WNT5B: variants seen among roughly 807,000 people sequenced by gnomAD.
WNT5B encodes protein Wnt-5b.
WNT5B carries 18 observed loss-of-function variants against 36.5 expected under a neutral mutation model. The ratio of observed to expected loss-of-function variants is 0.49; its 90% CI spans 0.34 to 0.73. The LOEUF is 0.73. WNT5B is among the 30% of genes least tolerant of loss of function. The probability of loss-of-function intolerance (pLI) is 0.01; values close to 1 mark genes in which losing one functional copy is unlikely to be tolerated. For missense variants in WNT5B, 424 were observed against 508.4 expected, an observed-to-expected ratio of 0.83 and a Z score of 1.60; for synonymous variants, 213 against 212.3, an observed-to-expected ratio of 1.00 and a Z score of -0.03.
Position 1,630,260 on chromosome 12 carries a change from G to C in WNT5B, c.-58+889G>C. The C allele has an allele frequency of 1.0e-6, 1 of 983,962 alleles. No individual in the cohort carries two copies. 61.0% of individuals were successfully genotyped at this position (983,962 alleles called of 1,614,324 possible). ...CCCCGGGGAGGCCGCTGGGGGCGCG[G>C]GTCACGCCCAGACGGGGGCCCCGGA... On this transcript the variant is annotated intron_variant, in intron 1 of 4. Transcript: ENST00000397196. This position sits in a 1 kb window ranked among gnomAD's most constrained non-coding sequence, Gnocchi z 5.3.
intron 1 of WNT5B, among the ~76,000 whole-genome samples, chr12:1,622,537 T>C (rs1280673049): frequency 6.6e-6 from 1 of 151,940 alleles, no homozygotes; most frequent in Non-Finnish European, 1.5e-5. Flanking sequence ...TAAGGGGAGG[T>C]ACAGTCAAGC....
upstream of WNT5B, among the ~76,000 whole-genome samples, chr12:1,626,709 C>T (rs534279078): frequency 5.9e-4 from 89 of 152,092 alleles, no homozygotes; most frequent in Non-Finnish European, 7.8e-4. Context: ...GGACTACAGG[C>T]GCCCGCCACC....
chr12:1,631,709 G>A (rs1346599709), intron 2 of WNT5B, among the ~76,000 whole-genome samples: 1 of 152,058 alleles, frequency 6.6e-6, no homozygotes, highest in African/African-American at 2.4e-5. Context: ...CCCATGAATT[G>A]TTAGAAATTG....
intron 1 of WNT5B, among the ~76,000 whole-genome samples, chr12:1,624,223 T>C (rs2094538045): frequency 6.6e-6 from 1 of 151,824 alleles, no homozygotes; most frequent in Non-Finnish European, 1.5e-5. Context: ...CCATCTCTAC[T>C]AAAAATGCAA....
upstream of WNT5B, among the ~76,000 whole-genome samples, chr12:1,627,252 C>T (rs199952743): frequency 9.2e-5 from 14 of 152,280 alleles, 1 homozygote; most frequent in East Asian, 1.7e-3. The surrounding 1 kb of genome is among the most constrained non-coding windows in gnomAD (Gnocchi z 5.0). Context: ...CACCTAGGCT[C>T]GTGGCTATTT....
At chr12:1,640,423 G>T (rs374032066) in intron 4 of WNT5B, among the ~76,000 whole-genome samples, 37 of 152,282 alleles carry the variant, frequency 2.4e-4, no homozygotes, top group African/African-American at 8.7e-4. Flanking sequence ...AAGAACTGCT[G>T]TCATACGTAT....
At chr12:1,635,864 C>T (rs924240473) in intron 3 of WNT5B, among the ~76,000 whole-genome samples, 1 of 152,212 alleles carries the variant, frequency 6.6e-6, no homozygotes, top group African/African-American at 2.4e-5. Context: ...TGGGCTATTC[C>T]TATTTCACAA....
intron 4 of WNT5B, among the ~76,000 whole-genome samples, chr12:1,645,227 GTTATT>G (rs2094583188): frequency 6.6e-6 from 1 of 152,166 alleles, no homozygotes; most frequent in African/African-American, 2.4e-5. Context: ...GACACATTTT[GTTATT>G]TTGTTTTGTT....
chr12:1,624,990 G>C (rs1203215691), upstream of WNT5B, among the ~76,000 whole-genome samples: 2 of 152,070 alleles, frequency 1.3e-5, no homozygotes. Flanking sequence ...GAGCCTGGAT[G>C]TGAAAGTAGT....
chr12:1,638,144 G>A (rs2154439709), intron 3 of WNT5B, among the ~76,000 whole-genome samples: 1 of 152,262 alleles, frequency 6.6e-6, no homozygotes, highest in Middle Eastern at 3.4e-3. Flanking sequence ...TATACCGGAG[G>A]CTGAGACAGG....
rs114475362 is a variant in WNT5B, at chr12:1,645,393, A to G, written c.622-401A>G. ...AGCTGGGACTACAGGCACCAGCCACAGTGCCTGGCTGTATTTTGTTGGTTA... is the reference window on the plus strand; with the variant it reads ...AGCTGGGACTACAGGCACCAGCCACGGTGCCTGGCTGTATTTTGTTGGTTA... On this transcript the variant is annotated intron_variant, in intron 4 of 4. Transcript: ENST00000397196. Among the ~76,000 whole-genome samples the G allele has an allele frequency of 8.8e-3, 1,338 of 152,284 alleles. 19 individuals are homozygous for G. The highest frequency in any genetic ancestry group is 0.029 in the African/African-American group (1,215 of 41,552).
rs1355654603 is a variant in WNT5B, at chr12:1,644,309, C to A, written c.622-1485C>A. ...CTGGTGCCTTTAACCTTGGGGAGAG[C>A]CTTCCTTCCTCCTCTGCTCTAAGCC... On this transcript the variant is annotated intron_variant, in intron 4 of 4. Coordinates refer to ENST00000397196, the MANE Select transcript of WNT5B (RefSeq NM_032642.3). The surrounding 1 kb of genome is among the most constrained non-coding windows in gnomAD (Gnocchi z 5.1). Among the ~76,000 whole-genome samples the A allele has an allele frequency of 6.6e-6, 1 of 152,110 alleles. No homozygotes were observed. The highest frequency in any genetic ancestry group is 6.6e-5 in the Admixed American group (1 of 15,262).
chr12:1,621,732 A>G (rs2094534085), intron 1 of WNT5B, among the ~76,000 whole-genome samples: 1 of 142,598 alleles, frequency 7.0e-6, no homozygotes, highest in South Asian at 2.2e-4. Flanking sequence ...TTTGGTAGAG[A>G]TGAGGCCTCA....
intron 4 of WNT5B, among the ~76,000 whole-genome samples, chr12:1,642,290 G>A (rs1313501102): frequency 6.6e-6 from 1 of 152,188 alleles, no homozygotes; most frequent in Non-Finnish European, 1.5e-5. Flanking sequence ...GTTAAGATCC[G>A]CACTTTATCT....
rs760550204 is a variant in WNT5B at position 1,639,988 on chromosome 12, C to CT, written c.621+13dup. On this transcript the variant is annotated intron_variant, in intron 4 of 4. Transcript: ENST00000397196. ...AGGCCGGTCGCAGGGTAAGCTGGGC[C>CT]TCCCCGGCCTCCCCAGCACTGCAGA... 476 of 1,601,888 alleles carry CT rather than the reference C, an allele frequency of 3.0e-4. 1 individual carries two copies. Among genetic ancestry groups the CT allele is most frequent in the Admixed American group, 3.9e-4 (23 of 58,266 alleles).
intron 1 of WNT5B, among the ~76,000 whole-genome samples, chr12:1,617,746 A>G (rs539284369): frequency 6.6e-6 from 1 of 152,370 alleles, no homozygotes; most frequent in South Asian, 2.1e-4. Flanking sequence ...AGCCAGGAGA[A>G]AGACAGCAGA....
At position 1,645,962 on chromosome 12, in the gene WNT5B, G is replaced by A; in HGVS notation, c.790G>A (p.Glu264Lys). The change falls in exon 5 of 5, where the codon GAG (glutamate) becomes AAG (lysine). Residue 264 changes from glutamate to lysine, a missense_variant. Coordinates refer to ENST00000397196, the MANE Select transcript of WNT5B (RefSeq NM_032642.3). ...AMRVTRKGRL[E>K]LVNSRFTQPT... Reference sequence around the variant, plus strand: ...GCGCGTCACCCGCAAGGGCCGGCTGGAGCTGGTCAACAGCCGCTTCACCCA... The same window carrying A: ...GCGCGTCACCCGCAAGGGCCGGCTGAAGCTGGTCAACAGCCGCTTCACCCA... The A allele has an allele frequency of 6.2e-7, 1 of 1,610,668 alleles. No homozygotes were observed. Among genetic ancestry groups the A allele is most frequent in the Non-Finnish European group, 8.5e-7 (1 of 1,179,834 alleles).
chr12:1,639,778 C>G lies in WNT5B; in HGVS notation c.423C>G (p.Cys141Trp). 1 of 1,609,850 alleles carries G rather than the reference C, an allele frequency of 6.2e-7. No homozygotes were observed. Among genetic ancestry groups the G allele is most frequent in the Non-Finnish European group, 8.5e-7 (1 of 1,178,138 alleles). Residue 141 changes from cysteine to tryptophan, a missense_variant, in exon 4 of 5, where the codon TGC becomes TGG. By Grantham distance (215) the Cys-to-Trp change is radical (BLOSUM62 -2). Transcript: ENST00000397196. ...RACREGELSTCGCSRTARPKD... is the reference protein window; with the variant it reads ...RACREGELSTWGCSRTARPKD... ...GCCGCGAGGGCGAGCTCTCCACCTGCGGCTGCAGCCGGACGGCGCGGCCCA... is the reference window on the plus strand; with the variant it reads ...GCCGCGAGGGCGAGCTCTCCACCTGGGGCTGCAGCCGGACGGCGCGGCCCA...
chr12:1,623,356 C>G (rs1316602564), intron 1 of WNT5B, among the ~76,000 whole-genome samples: 2 of 151,090 alleles, frequency 1.3e-5, no homozygotes, highest in Non-Finnish European at 3.0e-5. Context: ...CCACCACACC[C>G]AGCTAATTTT....
Sources: gnomAD v4.1 joint callset for allele counts (sites outside exome capture counted in the v4.1 genomes callset) on GRCh38, gnomAD v4.1.1 for gene constraint, Gnocchi (gnomAD v3.1) non-coding constraint, MANE v1.5 for transcripts, NCBI Gene and HGNC (gene_info 2026-07-23, HGNC 2026-07-21) for gene names.